EPHA5: variants seen among roughly 807,000 people sequenced by gnomAD.
The protein encoded by EPHA5 is EPH receptor A5, also known as ephrin type-A receptor 5.
A neutral mutation model predicts 105.0 loss-of-function variants in EPHA5; 60 were observed. That is an observed-to-expected ratio of 0.57 (90% CI 0.46 to 0.71). The LOEUF is 0.71. Ranked by LOEUF, EPHA5 falls within the 30% of genes least tolerant of loss-of-function variation. The probability of loss-of-function intolerance (pLI) is 0.00; values close to 1 mark genes in which losing one functional copy is unlikely to be tolerated. For synonymous variants in EPHA5, 513 were observed against 449.1 expected (o/e 1.14, Z -1.80); for missense variants, 1,218 against 1,274.7 (o/e 0.96, Z 0.68).
At chr4:65,564,822 C>T (rs1469387346) in intron 3 of EPHA5, among the ~76,000 whole-genome samples, 1 of 151,718 alleles carries the variant, frequency 6.6e-6, no homozygotes, top group Non-Finnish European at 1.5e-5. Context: ...AATGCAAGGA[C>T]ACAGCATTAC....
chr4:65,626,011 G>C (rs1746116698), intron 2 of EPHA5, among the ~76,000 whole-genome samples: 2 of 150,128 alleles, frequency 1.3e-5, no homozygotes, highest in African/African-American at 4.9e-5. Flanking sequence ...TGAGGCAGGA[G>C]AATGACATGA....
At chr4:65,530,197 C>G (rs906872400) in intron 3 of EPHA5, among the ~76,000 whole-genome samples, 1 of 152,078 alleles carries the variant, frequency 6.6e-6, no homozygotes, top group African/African-American at 2.4e-5. Flanking sequence ...ATATATGGAA[C>G]TACTGGGATT....
Position 65,382,295 on chromosome 4 carries a change from T to C in EPHA5, c.1794-14871A>G, listed in dbSNP as rs147469785. ...TTAGAAAACACTTCAATTATTTTTT[T>C]TCAAGCTATACTTCAATAATGACTC... On this transcript the variant is annotated intron_variant, in intron 8 of 16. Coordinates refer to ENST00000613740, the MANE Select transcript of EPHA5 (RefSeq NM_001281766.3). 2.6e-3 allele frequency among the ~76,000 whole-genome samples: 401 copies of C among 151,950 alleles called. 3 individuals are homozygous for C. Among genetic ancestry groups the C allele is most frequent in the African/African-American group, 8.8e-3 (365 of 41,518 alleles).
chr4:65,365,433 G>A (rs1398597763), intron 10 of EPHA5, among the ~76,000 whole-genome samples: 2 of 150,670 alleles, frequency 1.3e-5, no homozygotes, highest in African/African-American at 4.9e-5. Context: ...AAACACTATA[G>A]GGGCTATTAA....
Position 65,495,415 on chromosome 4 carries a change from A to G in EPHA5, c.1039T>C (p.Ser347Pro). The G allele has an allele frequency of 6.2e-7, 1 of 1,613,318 alleles. No individual in the cohort carries two copies. Residue 347 changes from serine (S) to proline (P), a missense_variant, in exon 4 of 17, where the codon TCT becomes CCT. By Grantham distance (74) the Ser-to-Pro change is moderately conservative. Transcript: ENST00000613740. ...VCEKDYFRRE[S>P]DPPTMACTRP... Reference sequence around the variant, plus strand: ...GTGCATGCCATTGTGGGTGGATCAGACTCTCTCCTGAAATAATCCTTTTCA... The same window carrying G: ...GTGCATGCCATTGTGGGTGGATCAGGCTCTCTCCTGAAATAATCCTTTTCA...
At chr4:65,465,307 G>A (rs1298592950) in intron 5 of EPHA5, among the ~76,000 whole-genome samples, 5 of 151,484 alleles carry the variant, frequency 3.3e-5, no homozygotes, top group African/African-American at 1.2e-4. Flanking sequence ...GTGGTCGTGG[G>A]CACCTGTAAT....
chr4:65,388,031 T>C (rs71613696), intron 8 of EPHA5, among the ~76,000 whole-genome samples: 1,484 of 140,264 alleles, frequency 0.011, 15 homozygotes, highest in Non-Finnish European at 0.017. Flanking sequence ...TGTGTTCTCA[T>C]TGTTCAATTC....
intron 3 of EPHA5, among the ~76,000 whole-genome samples, chr4:65,581,766 A>C (rs896032857): frequency 2.6e-5 from 4 of 151,762 alleles, no homozygotes; most frequent in Non-Finnish European, 5.9e-5. Context: ...AAAACTCTTT[A>C]GTACCAATTT....
intron 5 of EPHA5, among the ~76,000 whole-genome samples, chr4:65,445,611 G>T (rs1726443665): frequency 6.6e-6 from 1 of 152,108 alleles, no homozygotes; most frequent in Admixed American, 6.6e-5. Context: ...AAGCTTGAAA[G>T]AAATCGGTTG....
At chr4:65,648,163 A>T (rs78217217) in intron 1 of EPHA5, among the ~76,000 whole-genome samples, 1 of 152,352 alleles carries the variant, frequency 6.6e-6, no homozygotes, top group East Asian at 1.9e-4. Context: ...TGGAATATGA[A>T]TAAGAAGATT....
chr4:65,667,199 A>T (rs1750040581), intron 1 of EPHA5, among the ~76,000 whole-genome samples: 1 of 152,220 alleles, frequency 6.6e-6, no homozygotes, highest in South Asian at 2.1e-4. Context: ...ATTTTAGCAT[A>T]AATAAATATT....
chr4:65,410,634 G>A (rs558536871), intron 7 of EPHA5, among the ~76,000 whole-genome samples: 38 of 152,270 alleles, frequency 2.5e-4, no homozygotes, highest in African/African-American at 4.6e-4. Flanking sequence ...TTGCATCAAC[G>A]TCAAATGTTC....
At chr4:65,612,016 CAAAAAAAAAAA>C (rs1167342911) in intron 2 of EPHA5, among the ~76,000 whole-genome samples, 78 of 58,094 alleles carry the variant, frequency 1.3e-3, no homozygotes, top group African/African-American at 4.8e-3. Context: ...GACCCTCTCT[CAAAAAAAAAAA>C]AAAAAAAAAA....
At chr4:65,499,470 T>TAC (rs899043743) in intron 3 of EPHA5, among the ~76,000 whole-genome samples, 11 of 151,626 alleles carry the variant, frequency 7.3e-5, no homozygotes, top group Non-Finnish European at 1.6e-4. Flanking sequence ...TTTCCATATA[T>TAC]ACATCTGTAG....
intron 3 of EPHA5, among the ~76,000 whole-genome samples, chr4:65,500,835 A>G (rs2149240335): frequency 6.6e-6 from 1 of 151,084 alleles, no homozygotes; most frequent in South Asian, 2.1e-4. Context: ...ATATATATAT[A>G]TATATGCATA....
chr4:65,368,150 C>G (rs536337896), intron 8 of EPHA5, among the ~76,000 whole-genome samples: 1 of 152,144 alleles, frequency 6.6e-6, no homozygotes, highest in African/African-American at 2.4e-5. Flanking sequence ...CACTACTTTT[C>G]TGATGCTTTT....
chr4:65,480,325 T>A (rs1165971971), intron 5 of EPHA5, among the ~76,000 whole-genome samples: 1 of 152,198 alleles, frequency 6.6e-6, no homozygotes, highest in East Asian at 1.9e-4. Flanking sequence ...GCAATTTATA[T>A]ATTTAAAAGC....
At chr4:65,646,267 T>C (rs1046552418) in intron 1 of EPHA5, among the ~76,000 whole-genome samples, 1 of 152,182 alleles carries the variant, frequency 6.6e-6, no homozygotes, top group Non-Finnish European at 1.5e-5. Flanking sequence ...CAGAATTCTC[T>C]TATAAGAACA....
At chr4:65,471,919 A>C (rs1026845344) in intron 5 of EPHA5, among the ~76,000 whole-genome samples, 14 of 152,082 alleles carry the variant, frequency 9.2e-5, no homozygotes, top group Non-Finnish European at 2.9e-5. Context: ...TTCAAAACAC[A>C]ATCATGCCTT....
Sources: gnomAD v4.1 joint callset for allele counts (sites outside exome capture counted in the v4.1 genomes callset) on GRCh38, gnomAD v4.1.1 for gene constraint, MANE v1.5 for transcripts, NCBI Gene and HGNC (gene_info 2026-07-23, HGNC 2026-07-21) for gene names.